The following ATP6V1H variants were observed in gnomAD, a reference collection of about 807,000 sequenced individuals.
The protein encoded by ATP6V1H is ATPase H+ transporting V1 subunit H.
In ATP6V1H, 39 loss-of-function variants were observed where a neutral mutation model predicts 71.7. The ratio of observed to expected loss-of-function variants is 0.54; its 90% CI spans 0.42 to 0.71. The LOEUF is 0.71. ATP6V1H is among the 30% of genes least tolerant of loss of function. The pLI, the probability that ATP6V1H is intolerant of heterozygous loss-of-function variation, is 0.00. For missense variants in ATP6V1H, 509 were observed against 594.9 expected (o/e 0.86, Z 1.50); for synonymous variants, 192 against 199.3 (o/e 0.96, Z 0.31).
intron 9 of ATP6V1H, among the ~76,000 whole-genome samples, chr8:53,793,486 A>AT (rs1809630960): frequency 6.6e-6 from 1 of 152,110 alleles, no homozygotes; most frequent in Non-Finnish European, 1.5e-5. Context: ...AAAAGATTTT[A>AT]TTTTTTAAAT....
At chr8:53,801,746 C>G (rs1809915971) in intron 8 of ATP6V1H, 53 bp downstream of exon 8, 1 of 1,399,332 alleles carries the variant, frequency 7.1e-7, no homozygotes, top group South Asian at 1.2e-5. Flanking sequence ...TTGAAAATGT[C>G]AAGGAGAGAT....
intron 11 of ATP6V1H, among the ~76,000 whole-genome samples, chr8:53,767,359 G>A (rs1808506473): frequency 6.6e-6 from 1 of 152,084 alleles, no homozygotes; most frequent in East Asian, 1.9e-4. Flanking sequence ...TCTACTTTTT[G>A]CTCAATTTTT....
intron 11 of ATP6V1H, among the ~76,000 whole-genome samples, chr8:53,759,321 C>A (rs78387955): frequency 2.0e-5 from 3 of 152,242 alleles, no homozygotes; most frequent in Non-Finnish European, 4.4e-5. Context: ...CATGCTATTT[C>A]TGTGTCAAAT....
intron 13 of ATP6V1H, among the ~76,000 whole-genome samples, chr8:53,727,734 T>G (rs1806863924): frequency 2.0e-5 from 3 of 152,182 alleles, no homozygotes; most frequent in African/African-American, 7.2e-5. Context: ...ACTCCAAACC[T>G]ATATTTCCAG....
chr8:53,715,997 G>C lies in ATP6V1H; in HGVS notation c.1419C>G (p.Ser473=). The part of the protein sequence containing the change: ...NWEYLGKQLQ[S]EQPQTAAARS ...GGGCGGCAGCGGTCTGGGGCTGCTC[G>C]GACTGGAGCTGCTTGCCAAGGTATT... The change falls in exon 14 of 14, where the codon TCC becomes TCG. Residue 473 remains serine (S), a synonymous_variant. Transcript: ENST00000359530. 2 of 1,607,334 alleles carry C rather than the reference G, an allele frequency of 1.2e-6. No individual in the cohort carries two copies. Among genetic ancestry groups the C allele is most frequent in the South Asian group, 1.1e-5 (1 of 88,872 alleles).
chr8:53,769,527 G>A, intron 11 of ATP6V1H, 91 bp downstream of exon 11: 1 of 1,286,898 alleles, frequency 7.8e-7, no homozygotes, highest in Non-Finnish European at 1.1e-6. Flanking sequence ...TAAAACCATA[G>A]AATATCTAAA....
At chr8:53,759,703 G>C (rs1808196975) in intron 11 of ATP6V1H, among the ~76,000 whole-genome samples, 2 of 152,110 alleles carry the variant, frequency 1.3e-5, no homozygotes, top group Admixed American at 1.3e-4. Context: ...TTAGAAACTT[G>C]TTTTCTCTCT....
At position 53,795,789 on chromosome 8, in the gene ATP6V1H, A is replaced by AT; in HGVS notation, c.727dup (p.Met243AsnfsTer16). On this transcript the variant is annotated frameshift_variant, in exon 9 of 14. Coordinates refer to ENST00000359530, the MANE Select transcript of ATP6V1H (RefSeq NM_015941.4). LOFTEE classifies it high-confidence loss of function. Reference sequence around the variant, plus strand: ...TGCCAGGAGCCATATTGAAAAAATCATTTGATACTGGAGCTGAAAGCCACA... The same window carrying AT: ...TGCCAGGAGCCATATTGAAAAAATCATTTTGATACTGGAGCTGAAAGCCACA... 1 of 1,614,022 alleles carries AT rather than the reference A, an allele frequency of 6.2e-7. No individual in the cohort carries two copies. The highest frequency in any genetic ancestry group is 8.5e-7 in the Non-Finnish European group (1 of 1,179,974).
At position 53,720,008 on chromosome 8, in the gene ATP6V1H, A is replaced by C. The variant is rs377751481; in HGVS notation, c.1392-3984T>G. On this transcript the variant is annotated intron_variant, in intron 13 of 13. Transcript: ENST00000359530. Reference sequence around the variant, plus strand: ...AGATTTTACCTCAGGGGATAATAATATATCTAGAACAAAGGATGCAAGGAG... The same window carrying C: ...AGATTTTACCTCAGGGGATAATAATCTATCTAGAACAAAGGATGCAAGGAG... Among the ~76,000 whole-genome samples, 10 of 152,324 alleles carry C rather than the reference A, an allele frequency of 6.6e-5. No homozygotes were observed. In the East Asian group the frequency reaches 1.7e-3, roughly 26 times the overall value.
intron 13 of ATP6V1H, among the ~76,000 whole-genome samples, chr8:53,740,283 A>G (rs1807365743): frequency 1.3e-5 from 2 of 152,256 alleles, no homozygotes; most frequent in African/African-American, 4.8e-5. Context: ...TTTTAAATTC[A>G]TGGCAGAAAG....
chr8:53,761,115 T>A (rs186033224), intron 11 of ATP6V1H, among the ~76,000 whole-genome samples: 1 of 152,088 alleles, frequency 6.6e-6, no homozygotes, highest in African/African-American at 2.4e-5. Context: ...GGTGGGCAGA[T>A]CACGAGGTCA....
chr8:53,807,939 C>T (rs1487655484), intron 7 of ATP6V1H, among the ~76,000 whole-genome samples: 2 of 152,246 alleles, frequency 1.3e-5, no homozygotes, highest in African/African-American at 2.4e-5. Flanking sequence ...GTACAGCTAT[C>T]GTGAGCATTT....
intron 11 of ATP6V1H, among the ~76,000 whole-genome samples, chr8:53,761,790 G>A (rs1808281619): frequency 1.3e-5 from 2 of 152,202 alleles, no homozygotes; most frequent in African/African-American, 4.8e-5. Context: ...GAGATAGGTG[G>A]GCCTAAAAAT....
intron 13 of ATP6V1H, among the ~76,000 whole-genome samples, chr8:53,741,469 C>A (rs1419784138): frequency 2.0e-5 from 3 of 152,306 alleles, no homozygotes; most frequent in East Asian, 3.9e-4. Context: ...AAAACTTTGA[C>A]TTTCACAGAA....
chr8:53,799,544 T>C (rs1373292060), intron 8 of ATP6V1H, among the ~76,000 whole-genome samples: 1 of 152,232 alleles, frequency 6.6e-6, no homozygotes, highest in Non-Finnish European at 1.5e-5. Context: ...GGTTGGCCTT[T>C]GGCTGGCTTC....
intron 11 of ATP6V1H, among the ~76,000 whole-genome samples, chr8:53,768,179 A>G (rs1808533508): frequency 1.3e-5 from 2 of 152,226 alleles, no homozygotes; most frequent in Non-Finnish European, 2.9e-5. Context: ...AGCACATGAA[A>G]AGATGCTTGA....
At chr8:53,716,845 C>T (rs371676923) in intron 13 of ATP6V1H, among the ~76,000 whole-genome samples, 4 of 152,032 alleles carry the variant, frequency 2.6e-5, no homozygotes, top group South Asian at 2.1e-4. Context: ...AGGCACTTGC[C>T]GAAACTTTTG....
chr8:53,725,811 A>G (rs973493077), intron 13 of ATP6V1H, among the ~76,000 whole-genome samples: 1 of 152,050 alleles, frequency 6.6e-6, no homozygotes, highest in African/African-American at 2.4e-5. Context: ...AAAATGCCAG[A>G]GTATGATGAC....
At chr8:53,803,455 T>C (rs1157688317) in intron 7 of ATP6V1H, among the ~76,000 whole-genome samples, 1 of 152,212 alleles carries the variant, frequency 6.6e-6, no homozygotes, top group East Asian at 1.9e-4. Flanking sequence ...TCACAGGTGT[T>C]ATATAAATTC....
Sources: allele counts gnomAD v4.1 joint callset (sites outside exome capture counted in the v4.1 genomes callset), GRCh38; gene constraint gnomAD v4.1.1; transcripts MANE v1.5; gene names NCBI Gene and HGNC (gene_info 2026-07-23, HGNC 2026-07-21).